Variants in ABTB2 observed in about 807,000 individuals in gnomAD.
ABTB2 encodes ankyrin repeat and BTB/POZ domain-containing protein 2.
In ABTB2, 56 loss-of-function variants were observed where a neutral mutation model predicts 104.1. The ratio of observed to expected loss-of-function variants is 0.54; its 90% CI spans 0.43 to 0.67. ABTB2 has a LOEUF of 0.67. Ranked by LOEUF, ABTB2 falls within the 30% of genes least tolerant of loss-of-function variation. The pLI is 0.00. For missense variants in ABTB2, 1,279 were observed against 1,407.7 expected (o/e 0.91, Z 1.46); for synonymous variants, 606 against 608.2 (o/e 1.00, Z 0.05).
At position 34,335,720 on chromosome 11, in the gene ABTB2, A is replaced by G; in HGVS notation, c.883+20981T>C. 4 of 1,395,656 alleles carry G rather than the reference A, an allele frequency of 2.9e-6. No individual in the cohort carries two copies. In the Admixed American group the frequency reaches 6.7e-5, roughly 23 times the overall value. 86.5% of individuals were successfully genotyped at this position (1,395,656 alleles called of 1,614,324 possible). The stretch of plus-strand genomic sequence containing the variant: ...GCTAGAACATCAGGCAAAGTTTTAT[A>G]AAGCAGGCTTTTCTTCTGTGAAGCA... On this transcript the variant is annotated intron_variant, in intron 1 of 16. Transcript: ENST00000435224.
chr11:34,310,449 G>A (rs938160545), intron 1 of ABTB2, among the ~76,000 whole-genome samples: 12 of 152,034 alleles, frequency 7.9e-5, no homozygotes, highest in East Asian at 1.9e-4. Flanking sequence ...CCACCCTCAC[G>A]TCCCCAAGCT....
chr11:34,304,014 T>C (rs1032249724), intron 1 of ABTB2, among the ~76,000 whole-genome samples: 1 of 152,110 alleles, frequency 6.6e-6, no homozygotes, highest in Admixed American at 6.6e-5. Context: ...AAATGGGAAA[T>C]ATACAGAAAT....
At chr11:34,240,986 C>A (rs1590227265) in intron 1 of ABTB2, among the ~76,000 whole-genome samples, 1 of 152,216 alleles carries the variant, frequency 6.6e-6, no homozygotes, top group East Asian at 1.9e-4. Context: ...CTGAACTCTT[C>A]AGAGGCTGAG....
intron 1 of ABTB2, among the ~76,000 whole-genome samples, chr11:34,249,769 G>T (rs1590229934): frequency 6.6e-6 from 1 of 152,182 alleles, no homozygotes; most frequent in African/African-American, 2.4e-5. Flanking sequence ...CACAGCTTCT[G>T]AGTGGCTGGG....
At chr11:34,218,753 AG>A (rs1451928189) in intron 1 of ABTB2, among the ~76,000 whole-genome samples, 4 of 151,124 alleles carry the variant, frequency 2.6e-5, no homozygotes, top group Non-Finnish European at 5.9e-5. Flanking sequence ...AGAGGAGGCA[AG>A]AGAATCACTT....
At chr11:34,327,797 C>T (rs11032617) in intron 1 of ABTB2, among the ~76,000 whole-genome samples, 13,341 of 152,202 alleles carry the variant, frequency 0.088, 786 homozygotes, top group East Asian at 0.34. Context: ...AATGATCCTG[C>T]CTGGGAGAAA....
At chr11:34,335,948 A>G (rs931063447) in intron 1 of ABTB2, 2 of 639,496 alleles carry the variant, frequency 3.1e-6, no homozygotes, top group Admixed American at 5.4e-5. Context: ...ACTAAAGAGT[A>G]AAATCCTGGG....
At chr11:34,255,524 G>T (rs11032582) in intron 1 of ABTB2, among the ~76,000 whole-genome samples, 21,722 of 151,094 alleles carry the variant, frequency 0.14, 1,822 homozygotes, top group South Asian at 0.2. Context: ...ACACAGTCTC[G>T]CTCTGTTGCG....
At chr11:34,245,707 C>T (rs1033457384) in intron 1 of ABTB2, among the ~76,000 whole-genome samples, 49 of 152,158 alleles carry the variant, frequency 3.2e-4, no homozygotes, top group African/African-American at 1.1e-3. Context: ...GGGGCTCATA[C>T]ACTCTGATGT....
chr11:34,186,461 TTA>T (rs1161013688), intron 3 of ABTB2, among the ~76,000 whole-genome samples: 2 of 152,174 alleles, frequency 1.3e-5, no homozygotes, highest in African/African-American at 4.8e-5. Context: ...GCAGGCTTCT[TTA>T]AGAAAGCAAA....
At chr11:34,289,335 G>A (rs1366019344) in intron 1 of ABTB2, among the ~76,000 whole-genome samples, 1 of 152,176 alleles carries the variant, frequency 6.6e-6, no homozygotes, top group Non-Finnish European at 1.5e-5. Context: ...GTTCGCCATG[G>A]CACATCTAGA....
chr11:34,161,091 G>C lies in ABTB2; in HGVS notation c.2219-10C>G, dbSNP rs1422081593. 1.9e-6 allele frequency: 3 copies of C among 1,594,892 alleles called. No homozygotes were observed. In the African/African-American group the frequency reaches 4.0e-5, roughly 21 times the overall value. On this transcript the variant is annotated splice_polypyrimidine_tract_variant and intron_variant, in intron 10 of 16. Coordinates refer to ENST00000435224, the MANE Select transcript of ABTB2 (RefSeq NM_145804.3). Reference sequence around the variant, plus strand: ...AGCTTCCAGGGGACTCCTGGTCCAGGCAGGGAAGGGCAGGCAGTCACGCAC... The same window carrying C: ...AGCTTCCAGGGGACTCCTGGTCCAGCCAGGGAAGGGCAGGCAGTCACGCAC...
chr11:34,347,507 G>T (rs742635), intron 1 of ABTB2, among the ~76,000 whole-genome samples: 9,611 of 152,200 alleles, frequency 0.063, 404 homozygotes, highest in East Asian at 0.2. Context: ...AAATGACTGT[G>T]TATGTATTTT....
In ABTB2 at chr11:34,173,220, G is replaced by A. The variant is rs142658970; in HGVS notation, c.1332C>T (p.Ser444=). The stretch of plus-strand genomic sequence containing the variant: ...GCCGGGCTGCCTGCCGGATGTCGCC[G>A]CTGTCCACGGTGAGGCTGCGGCGGT... ...AEHRRSLTVD[S]GDIRQAARLL... The change falls in exon 4 of 17, where the codon AGC becomes AGT. Residue 444 remains serine (S), a synonymous_variant. Transcript: ENST00000435224. 1.5e-5 allele frequency: 24 copies of A among 1,613,420 alleles called. No homozygotes were observed. The African/African-American group carries it at 2.1e-4, about 14-fold the overall frequency.
rs190071247 is a variant in ABTB2 at position 34,223,196 on chromosome 11, C to G, written c.884-18506G>C. On this transcript the variant is annotated intron_variant, in intron 1 of 16. Coordinates refer to ENST00000435224, the MANE Select transcript of ABTB2 (RefSeq NM_145804.3). The stretch of plus-strand genomic sequence containing the variant: ...TCTGCCCACCAACACAGCCGAGGAC[C>G]GAGTGGAAACAGTGAATCAGCCTGT... 6.6e-5 allele frequency among the ~76,000 whole-genome samples: 10 copies of G among 152,262 alleles called. No homozygotes were observed. The East Asian group carries it at 7.7e-4, about 12-fold the overall frequency.
chr11:34,187,293 G>C (rs182744744), intron 3 of ABTB2, among the ~76,000 whole-genome samples: 1 of 152,192 alleles, frequency 6.6e-6, no homozygotes, highest in African/African-American at 2.4e-5. Flanking sequence ...ACCAGCAGGC[G>C]TGGGGCCAGG....
At chr11:34,240,953 AC>A (rs763345166) in intron 1 of ABTB2, among the ~76,000 whole-genome samples, 5 of 152,144 alleles carry the variant, frequency 3.3e-5, no homozygotes, top group South Asian at 4.2e-4. Context: ...TTGCCAAATT[AC>A]TTCTCACACC....
intron 1 of ABTB2, chr11:34,335,880 A>C: frequency 1.1e-6 from 1 of 907,014 alleles, no homozygotes; most frequent in Non-Finnish European, 1.8e-6. Context: ...CGGCCACATG[A>C]GACACCTAAA....
chr11:34,161,104 G>A (rs1262792191), intron 10 of ABTB2, 23 bp from the exon 11 acceptor site: 3 of 1,588,034 alleles, frequency 1.9e-6, no homozygotes, highest in African/African-American at 1.3e-5. Flanking sequence ...GGGAAGGGCA[G>A]GCAGTCACGC....
Sources: allele counts gnomAD v4.1 joint callset (sites outside exome capture counted in the v4.1 genomes callset), GRCh38; gene constraint gnomAD v4.1.1; transcripts MANE v1.5; gene names NCBI Gene and HGNC (gene_info 2026-07-23, HGNC 2026-07-21).